The following ZFPM2 variants were observed in gnomAD, a reference collection of about 807,000 sequenced individuals.
ZFPM2 encodes zinc finger protein ZFPM2.
In ZFPM2, 20 loss-of-function variants were observed where a neutral mutation model predicts 98.6. The ratio of observed to expected loss-of-function variants is 0.20; its 90% CI spans 0.14 to 0.29. ZFPM2 has a LOEUF of 0.29. ZFPM2 is among the 10% of genes least tolerant of loss of function. The probability of loss-of-function intolerance (pLI) is 1.00; values close to 1 mark genes in which losing one functional copy is unlikely to be tolerated. For synonymous variants in ZFPM2, 518 were observed against 502.7 expected (o/e 1.03, Z -0.41); for missense variants, 1,310 against 1,388.6 (o/e 0.94, Z 0.90).
chr8:105,397,907 G>A (rs1811255548), intron 1 of ZFPM2, among the ~76,000 whole-genome samples: 1 of 151,968 alleles, frequency 6.6e-6, no homozygotes, highest in South Asian at 2.1e-4. Context: ...CAAGTGTAGT[G>A]ACTACTTAAA....
chr8:105,756,508 C>T (rs143786468), intron 5 of ZFPM2, among the ~76,000 whole-genome samples: 270 of 152,210 alleles, frequency 1.8e-3, no homozygotes, highest in African/African-American at 6.3e-3. Context: ...CCTAAACAGA[C>T]TATAATAAAG....
intron 2 of ZFPM2, among the ~76,000 whole-genome samples, chr8:105,439,937 C>T (rs1364775622): frequency 6.6e-6 from 1 of 151,614 alleles, no homozygotes; most frequent in Non-Finnish European, 1.5e-5. Context: ...ATTCTAGCTT[C>T]CATGAAAAAT....
intron 1 of ZFPM2, among the ~76,000 whole-genome samples, chr8:105,365,953 C>T (rs1810496720): frequency 6.6e-6 from 1 of 152,036 alleles, no homozygotes; most frequent in Admixed American, 6.6e-5. Flanking sequence ...TTCCAATGCC[C>T]CAGAGAAAAT....
chr8:105,418,759 A>C (rs752960066), intron 1 of ZFPM2: 1 of 492,436 alleles, frequency 2.0e-6, no homozygotes, highest in Non-Finnish European at 4.0e-6. Flanking sequence ...ATCTCAGGTA[A>C]AATTGTACAA....
intron 5 of ZFPM2, among the ~76,000 whole-genome samples, chr8:105,709,859 C>A (rs1048444038): frequency 1.3e-4 from 20 of 152,118 alleles, no homozygotes; most frequent in African/African-American, 4.8e-4. Context: ...CGCTATGAAA[C>A]TCAAAACTCA....
chr8:105,800,931 T>C, intron 7 of ZFPM2, 116 bp from the exon 8 acceptor site: 1 of 987,004 alleles, frequency 1.0e-6, no homozygotes, highest in Non-Finnish European at 1.5e-6. Context: ...ACGAATGAAA[T>C]TTTGAAAGAT....
intron 4 of ZFPM2, among the ~76,000 whole-genome samples, chr8:105,614,959 CT>C (rs1816383227): frequency 6.6e-6 from 1 of 152,084 alleles, no homozygotes; most frequent in African/African-American, 2.4e-5. Flanking sequence ...ATTGAATTTA[CT>C]TTAGGGTTAC....
chr8:105,406,184 T>C (rs2130008212), intron 1 of ZFPM2, among the ~76,000 whole-genome samples: 1 of 152,280 alleles, frequency 6.6e-6, no homozygotes, highest in Middle Eastern at 3.4e-3. Flanking sequence ...TAGCCCTTTG[T>C]CAGATGAGTA....
intron 6 of ZFPM2, among the ~76,000 whole-genome samples, chr8:105,792,005 C>T (rs193094349): frequency 5.2e-4 from 79 of 152,064 alleles, no homozygotes; most frequent in East Asian, 1.5e-3. Flanking sequence ...GTCTTGCTAG[C>T]GGTCTATCAA....
intron 3 of ZFPM2, among the ~76,000 whole-genome samples, chr8:105,523,157 A>G (rs908828094): frequency 6.6e-6 from 1 of 152,210 alleles, no homozygotes; most frequent in Non-Finnish European, 1.5e-5. Flanking sequence ...AATATTTAGT[A>G]CAGTACTTTG....
intron 1 of ZFPM2, among the ~76,000 whole-genome samples, chr8:105,327,965 C>A (rs561203715): frequency 4.6e-5 from 7 of 151,764 alleles, no homozygotes; most frequent in African/African-American, 7.2e-5. Flanking sequence ...CTGAGAAGTT[C>A]AAAGGCATTT....
chr8:105,744,148 G>A lies in ZFPM2; in HGVS notation c.533-44570G>A, dbSNP rs565343408. Reference sequence around the variant, plus strand: ...ACTGTGTTATTTTCTTTTCCAACACGGCTAAAGAGCTTGGATTGGGTCCAT... The same window carrying A: ...ACTGTGTTATTTTCTTTTCCAACACAGCTAAAGAGCTTGGATTGGGTCCAT... On this transcript the variant is annotated intron_variant, in intron 5 of 7. Coordinates refer to ENST00000407775, the MANE Select transcript of ZFPM2 (RefSeq NM_012082.4). 5.3e-5 allele frequency among the ~76,000 whole-genome samples: 8 copies of A among 151,920 alleles called. No individual in the cohort carries two copies. In the South Asian group the frequency reaches 1.0e-3, roughly 20 times the overall value.
At chr8:105,796,880 G>A (rs1360346640) in intron 6 of ZFPM2, 1 of 152,078 alleles carries the variant, frequency 6.6e-6, no homozygotes, top group Non-Finnish European at 1.5e-5. Context: ...TTTCCTCTAC[G>A]AAAGTCCTGA....
At chr8:105,791,085 C>T (rs1481407279) in intron 6 of ZFPM2, among the ~76,000 whole-genome samples, 2 of 152,094 alleles carry the variant, frequency 1.3e-5, no homozygotes, top group African/African-American at 2.4e-5. Flanking sequence ...TCTTTATTTC[C>T]TTCTCCTGCC....
At chr8:105,623,945 A>G (rs539949698) in intron 4 of ZFPM2, among the ~76,000 whole-genome samples, 9 of 152,312 alleles carry the variant, frequency 5.9e-5, no homozygotes, top group Admixed American at 2.6e-4. Context: ...AAGCTTCCTT[A>G]AGTAAGTATA....
In ZFPM2 at chr8:105,670,998, A is replaced by G. The variant is rs192120485; in HGVS notation, c.532+36641A>G. On this transcript the variant is annotated intron_variant, in intron 5 of 7. Transcript: ENST00000407775. ...CCAAAATTTGCTTGGCCATACTTCA[A>G]TATTGGATGTATTGTTAGTTTACCA... is the stretch of plus-strand genomic sequence containing the variant. Among the ~76,000 whole-genome samples, 579 of 152,266 alleles carry G rather than the reference A, an allele frequency of 3.8e-3. 3 individuals carry two copies. Among genetic ancestry groups the G allele is most frequent in the African/African-American group, 0.013 (548 of 41,564 alleles).
At chr8:105,610,800 C>T (rs1029436293) in intron 4 of ZFPM2, among the ~76,000 whole-genome samples, 4 of 152,124 alleles carry the variant, frequency 2.6e-5, no homozygotes, top group Non-Finnish European at 5.9e-5. Flanking sequence ...GGCCTCAAAC[C>T]TCACCTGGAG....
intron 3 of ZFPM2, among the ~76,000 whole-genome samples, chr8:105,455,279 T>G (rs947204598): frequency 2.6e-5 from 4 of 152,298 alleles, no homozygotes; most frequent in African/African-American, 9.6e-5. Flanking sequence ...AGTATTTATT[T>G]AAATTAAGAT....
At chr8:105,509,541 G>C (rs1813773048) in intron 3 of ZFPM2, among the ~76,000 whole-genome samples, 1 of 152,078 alleles carries the variant, frequency 6.6e-6, no homozygotes. Context: ...AAAGTCTTTG[G>C]TACATTGATC....
Sources: allele counts gnomAD v4.1 joint callset (sites outside exome capture counted in the v4.1 genomes callset), GRCh38; gene constraint gnomAD v4.1.1; transcripts MANE v1.5; gene names NCBI Gene and HGNC (gene_info 2026-07-23, HGNC 2026-07-21).